Variants in EZR observed in about 807,000 individuals in gnomAD.
The protein encoded by EZR is ezrin, also known as cytovillin 2.
A neutral mutation model predicts 74.8 loss-of-function variants in EZR; 40 were observed. The observed-to-expected ratio is 0.53, with a 90% CI of 0.42 to 0.70. The LOEUF (loss-of-function observed/expected upper bound fraction) is 0.70, where lower values mean the gene tolerates loss of function less well. EZR is among the 30% of genes least tolerant of loss of function. The pLI, the probability that EZR is intolerant of heterozygous loss-of-function variation, is 0.00. For synonymous variants in EZR, 341 were observed against 283.3 expected, an observed-to-expected ratio of 1.20 and a Z score of -2.05; for missense variants, 678 against 755.8, an observed-to-expected ratio of 0.90 and a Z score of 1.21.
chr6:158,788,031 TTACATA>T (rs1791629940), intron 3 of EZR, among the ~76,000 whole-genome samples: 1 of 152,206 alleles, frequency 6.6e-6, no homozygotes, highest in Non-Finnish European at 1.5e-5. Flanking sequence ...GTTCGACTAT[TTACATA>T]TACATAGATG....
At chr6:158,781,970 G>A (rs1021652279) in intron 7 of EZR, among the ~76,000 whole-genome samples, 5 of 151,968 alleles carry the variant, frequency 3.3e-5, no homozygotes, top group African/African-American at 1.2e-4. Context: ...ATGTTCCCCA[G>A]GCTGGGCAAG....
chr6:158,769,716 G>A (rs936259976), intron 11 of EZR, 68 bp downstream of exon 11: 30 of 1,575,840 alleles, frequency 1.9e-5, no homozygotes, highest in African/African-American at 8.1e-5. Context: ...CAAGGCAGGT[G>A]TCACATTTTC....
rs58369315 is a variant in EZR at position 158,803,605 on chromosome 6, AC to A, written c.13-14235del. On this transcript the variant is annotated intron_variant, in intron 2 of 13. Transcript: ENST00000367075. ...TACATATATATATATATATATATATACATATATATATATATATATACATATA... is the reference window on the plus strand; with the variant it reads ...TACATATATATATATATATATATATAATATATATATATATATATACATATA... 6.6e-3 allele frequency among the ~76,000 whole-genome samples: 112 copies of A among 17,056 alleles called. 10 individuals are homozygous for A. The highest frequency in any genetic ancestry group is 0.02 in the African/African-American group (94 of 4,630). 11.2% of individuals were successfully genotyped at this position (17,056 alleles called of 152,430 possible). A position where few individuals can be genotyped will look rare whatever the true frequency, so the allele number is the denominator to read the frequency against.
intron 3 of EZR, among the ~76,000 whole-genome samples, chr6:158,789,043 C>T (rs1414754381): frequency 1.3e-5 from 2 of 152,208 alleles, no homozygotes; most frequent in East Asian, 1.9e-4. Context: ...ACACTGAATC[C>T]GCCTGACTTT....
At chr6:158,811,974 A>C (rs759846296) in intron 2 of EZR, among the ~76,000 whole-genome samples, 1 of 152,112 alleles carries the variant, frequency 6.6e-6, no homozygotes, top group Non-Finnish European at 1.5e-5. Context: ...CCTACCATTT[A>C]TAGGGAAGGT....
intron 8 of EZR, among the ~76,000 whole-genome samples, chr6:158,773,466 T>C (rs966594474): frequency 2.0e-5 from 3 of 152,226 alleles, no homozygotes; most frequent in African/African-American, 7.2e-5. Flanking sequence ...AGCTTCCTGA[T>C]GCAGAACCAC....
intron 2 of EZR, among the ~76,000 whole-genome samples, chr6:158,803,010 T>C (rs542250804): frequency 3.0e-4 from 45 of 151,412 alleles, no homozygotes; most frequent in Non-Finnish European, 5.9e-4. Flanking sequence ...TTTTGAGTAA[T>C]TTAAATGATG....
chr6:158,800,432 C>T (rs1777164625), intron 2 of EZR, among the ~76,000 whole-genome samples: 1 of 152,188 alleles, frequency 6.6e-6, no homozygotes, highest in South Asian at 2.1e-4. Flanking sequence ...TTCTGATAAG[C>T]GTTCTCTCTC....
chr6:158,776,543 C>A (rs1554272259), intron 7 of EZR, 39 bp from the exon 8 acceptor site: 1 of 1,424,470 alleles, frequency 7.0e-7, no homozygotes. Flanking sequence ...TAGATGTATA[C>A]ATATGTTCTT....
At chr6:158,783,816 C>T (rs564714407) in intron 6 of EZR, 150 bp from the exon 7 acceptor site, 139 of 835,646 alleles carry the variant, frequency 1.7e-4, no homozygotes, top group Non-Finnish European at 1.9e-4. Context: ...GCCGGGCAGC[C>T]GACCGGTGAG....
intron 3 of EZR, chr6:158,788,603 C>A (rs944166021): frequency 6.6e-6 from 1 of 150,624 alleles, no homozygotes; most frequent in Non-Finnish European, 1.5e-5. Flanking sequence ...GCTGAGATTG[C>A]ACCATTGCAC....
chr6:158,794,911 A>C (rs1777036278), intron 2 of EZR, among the ~76,000 whole-genome samples: 1 of 152,166 alleles, frequency 6.6e-6, no homozygotes, highest in South Asian at 2.1e-4. Context: ...AGCTAATGAA[A>C]AACCAATACT....
At chr6:158,781,722 C>T (rs1025101496) in intron 7 of EZR, among the ~76,000 whole-genome samples, 7 of 144,946 alleles carry the variant, frequency 4.8e-5, no homozygotes, top group East Asian at 1.9e-4. Flanking sequence ...TAGGGTCTCC[C>T]GGAAAGATGG....
chr6:158,798,216 A>G (rs987581013), intron 2 of EZR, among the ~76,000 whole-genome samples: 4 of 151,756 alleles, frequency 2.6e-5, no homozygotes, highest in African/African-American at 9.7e-5. Context: ...ACTTCTGTCT[A>G]CCCATTCAGG....
chr6:158,805,784 TGACTG>T (rs1158478870), intron 2 of EZR, among the ~76,000 whole-genome samples: 1 of 152,242 alleles, frequency 6.6e-6, no homozygotes, highest in Non-Finnish European at 1.5e-5. Flanking sequence ...CATCATTACT[TGACTG>T]GAAAAGACAT....
rs144956378 is a variant in EZR at position 158,793,518 on chromosome 6, G to A, written c.13-4147C>T. On this transcript the variant is annotated intron_variant, in intron 2 of 13. Transcript: ENST00000367075. Reference sequence around the variant, plus strand: ...TAAATGAATACTATGTTAATGAGCTGCTTTAAGTTAAAGGGCATGTCTGTT... The same window carrying A: ...TAAATGAATACTATGTTAATGAGCTACTTTAAGTTAAAGGGCATGTCTGTT... 1.2e-3 allele frequency among the ~76,000 whole-genome samples: 178 copies of A among 152,222 alleles called. 1 individual carries two copies. The highest frequency in any genetic ancestry group is 4.1e-3 in the African/African-American group (171 of 41,528).
intron 8 of EZR, among the ~76,000 whole-genome samples, chr6:158,773,542 C>G (rs1316055405): frequency 6.6e-6 from 1 of 152,146 alleles, no homozygotes; most frequent in African/African-American, 2.4e-5. Flanking sequence ...AAATGCAAAC[C>G]AGGCACAAGG....
At chr6:158,774,718 C>T (rs113981053) in intron 8 of EZR, among the ~76,000 whole-genome samples, 1 of 150,574 alleles carries the variant, frequency 6.6e-6, no homozygotes, top group Non-Finnish European at 1.5e-5. Flanking sequence ...CACACACGCA[C>T]AAACATTCTG....
intron 10 of EZR, 96 bp downstream of exon 10, chr6:158,770,668 G>T (rs2128565884): frequency 6.9e-7 from 1 of 1,442,474 alleles, no homozygotes; most frequent in Non-Finnish European, 9.6e-7. Context: ...ACACGTTCTT[G>T]GTTTCCTTCC....
Sources: allele counts gnomAD v4.1 joint callset (sites outside exome capture counted in the v4.1 genomes callset), GRCh38; gene constraint gnomAD v4.1.1; transcripts MANE v1.5; gene names NCBI Gene and HGNC (gene_info 2026-07-23, HGNC 2026-07-21).